Variants in RHOD observed in about 807,000 individuals in gnomAD.
The protein encoded by RHOD is rho-related GTP-binding protein RhoD.
In RHOD, 11 loss-of-function variants were observed where a neutral mutation model predicts 16.7. The observed-to-expected ratio is 0.66, with a 90% CI of 0.41 to 1.09. The LOEUF is 1.09. Ranked by LOEUF, RHOD falls within the 50% of genes least tolerant of loss-of-function variation. The pLI, the probability that RHOD is intolerant of heterozygous loss-of-function variation, is 0.00. For missense variants in RHOD, 271 were observed against 291.7 expected, an observed-to-expected ratio of 0.93 and a Z score of 0.52; for synonymous variants, 124 against 126.3, an observed-to-expected ratio of 0.98 and a Z score of 0.12.
Position 67,071,717 on chromosome 11 carries a change from G to C in RHOD, c.*115G>C. On this transcript the variant is annotated 3_prime_UTR_variant, in exon 5 of 5. Transcript: ENST00000308831. Reference sequence around the variant, plus strand: ...ACCGCCGAACTCCACTGCAACAGACGGGCGCCACCAAAGCCAGGCCCTGAG... The same window carrying C: ...ACCGCCGAACTCCACTGCAACAGACCGGCGCCACCAAAGCCAGGCCCTGAG... The C allele has an allele frequency of 8.8e-7, 1 of 1,136,678 alleles. No homozygotes were observed. The highest frequency in any genetic ancestry group is 1.6e-5 in the South Asian group (1 of 61,242). 70.4% of individuals were successfully genotyped at this position (1,136,678 alleles called of 1,614,324 possible).
intron 1 of RHOD, among the ~76,000 whole-genome samples, chr11:67,064,711 T>C (rs554621855): frequency 5.3e-5 from 8 of 152,138 alleles, no homozygotes; most frequent in African/African-American, 1.9e-4. Flanking sequence ...AATAAACATG[T>C]AGGTTAATGT....
At chr11:67,057,987 TTC>T (rs1854836033) in intron 1 of RHOD, among the ~76,000 whole-genome samples, 3 of 152,158 alleles carry the variant, frequency 2.0e-5, no homozygotes, top group African/African-American at 7.2e-5. Flanking sequence ...CCAGCATCTC[TTC>T]TTTTTTTTTA....
intron 2 of RHOD, among the ~76,000 whole-genome samples, 166 bp downstream of exon 2, chr11:67,066,149 A>G (rs541752238): frequency 2.0e-5 from 3 of 152,304 alleles, no homozygotes; most frequent in Admixed American, 6.5e-5. Context: ...TTGCCTCTGC[A>G]GCAGTGTCTC....
chr11:67,056,956 C>T lies in RHOD; in HGVS notation c.54C>T (p.Val18=). The T allele has an allele frequency of 1.3e-6, 2 of 1,498,284 alleles. No individual in the cohort carries two copies. Among genetic ancestry groups the T allele is most frequent in the Non-Finnish European group, 1.8e-6 (2 of 1,132,552 alleles). 92.8% of individuals were successfully genotyped at this position (1,498,284 alleles called of 1,614,324 possible). ...GEEAPPGVRS[V]KVVLVGDGGC... is the part of the protein sequence containing the mutation. ...AGGCGCCACCAGGCGTGCGGTCCGTCAAGGTGGTCCTGGTGGGCGACGGCG... is the reference window on the plus strand; with the variant it reads ...AGGCGCCACCAGGCGTGCGGTCCGTTAAGGTGGTCCTGGTGGGCGACGGCG... Residue 18 remains valine (V), a synonymous_variant, in exon 1 of 5, where the codon GTC becomes GTT. Coordinates refer to ENST00000308831, the MANE Select transcript of RHOD (RefSeq NM_014578.4).
rs560923516 is a variant in RHOD at position 67,071,613 on chromosome 11, G to C, written c.*11G>C. ...TGCGTGGTGACCTGAGCGGCTCGGG[G>C]CGTCCCAGCGACGCGGGAAGGGGCA... On this transcript the variant is annotated 3_prime_UTR_variant, in exon 5 of 5. Transcript: ENST00000308831. The C allele has an allele frequency of 3.2e-6, 5 of 1,581,880 alleles. No homozygotes were observed. In the African/African-American group the frequency reaches 5.4e-5, roughly 17 times the overall value.
chr11:67,057,158 G>A lies in RHOD; in HGVS notation c.132+124G>A. 5 of 1,199,678 alleles carry A rather than the reference G, an allele frequency of 4.2e-6. No homozygotes were observed. In the East Asian group the frequency reaches 1.3e-4, roughly 31 times the overall value. The allele number at this position is 1,199,678 out of a possible 1,614,324, so 74.3% of individuals were successfully genotyped here. ...CCGAGGGGTGTCCCAGCGGGGCCTG[G>A]GGTCCAGGGCAGAGTTCTTCCGCCC... On this transcript the variant is annotated intron_variant, in intron 1 of 4. Transcript: ENST00000308831.
intron 4 of RHOD, among the ~76,000 whole-genome samples, chr11:67,070,823 C>CCAGG (rs1348968631): frequency 6.6e-6 from 1 of 152,138 alleles, no homozygotes; most frequent in Non-Finnish European, 1.5e-5. Context: ...GAGAGGGGGC[C>CCAGG]CAGGCAGGCA....
chr11:67,071,834 C>T lies in RHOD; in HGVS notation c.*232C>T. On this transcript the variant is annotated 3_prime_UTR_variant, in exon 5 of 5. Transcript: ENST00000308831. ...CGGTGCCCGAGAATCACTCGCTAAC[C>T]CCTATGCCCGGTCCCGGACCGACAT... is the stretch of plus-strand genomic sequence containing the variant. 1 of 468,928 alleles carries T rather than the reference C, an allele frequency of 2.1e-6. No individual in the cohort carries two copies. The allele number at this position is 468,928 out of a possible 1,614,324, so 29.0% of individuals were successfully genotyped here. A position where few individuals can be genotyped will look rare whatever the true frequency, so the allele number is the denominator to read the frequency against.
In RHOD at chr11:67,056,885, T is replaced by A; in HGVS notation, c.-18T>A. ...GCGCCGCAGCCGCCCGCCCGCCCGC[T>A]CAGCGCCCGGCCCCGGGATGACGGC... On this transcript the variant is annotated 5_prime_UTR_variant, in exon 1 of 5. Transcript: ENST00000308831. 7.2e-7 allele frequency: 1 copy of A among 1,386,988 alleles called. No homozygotes were observed. Among genetic ancestry groups the A allele is most frequent in the Non-Finnish European group, 9.2e-7 (1 of 1,081,608 alleles). 85.9% of individuals were successfully genotyped at this position (1,386,988 alleles called of 1,614,324 possible).
rs1322471558 is a variant in RHOD, at chr11:67,058,425, C to T, written c.132+1391C>T. ...TCATTTGACCTGGTGATCCGCCCAC[C>T]TTGGCCTCCCAAAATGCTGGGATTA... On this transcript the variant is annotated intron_variant, in intron 1 of 4. Transcript: ENST00000308831. Among the ~76,000 whole-genome samples, 6 of 152,222 alleles carry T rather than the reference C, an allele frequency of 3.9e-5. 1 individual carries two copies. Among genetic ancestry groups the T allele is most frequent in the Non-Finnish European group, 7.3e-5 (5 of 68,038 alleles).
intron 3 of RHOD, 111 bp downstream of exon 3, chr11:67,066,958 G>A: frequency 1.3e-6 from 1 of 773,578 alleles, no homozygotes; most frequent in East Asian, 2.5e-5. Flanking sequence ...AAATGATATT[G>A]ATTCCAGAGC....
At chr11:67,063,039 G>T (rs1277476853) in intron 1 of RHOD, among the ~76,000 whole-genome samples, 2 of 152,202 alleles carry the variant, frequency 1.3e-5, no homozygotes, top group Admixed American at 1.3e-4. Flanking sequence ...GGAGTAAGGG[G>T]CCTCTGTCCT....
chr11:67,065,070 G>A (rs923480455), intron 1 of RHOD, among the ~76,000 whole-genome samples: 7 of 151,934 alleles, frequency 4.6e-5, no homozygotes, highest in East Asian at 1.9e-4. Flanking sequence ...GCGGCACTGC[G>A]GTAGGGACTT....
At chr11:67,066,094 G>C (rs1032329868) in intron 2 of RHOD, 111 bp downstream of exon 2, 67 of 881,774 alleles carry the variant, frequency 7.6e-5, no homozygotes, top group Non-Finnish European at 1.1e-4. Flanking sequence ...CAGTCTCCAA[G>C]GGACAGGTGT....
chr11:67,058,028 T>C (rs986176273), intron 1 of RHOD, among the ~76,000 whole-genome samples: 2 of 152,132 alleles, frequency 1.3e-5, no homozygotes, highest in African/African-American at 4.8e-5. Context: ...AGAGTCTCAC[T>C]CTGTCACCCA....
intron 1 of RHOD, among the ~76,000 whole-genome samples, chr11:67,059,746 T>C (rs555825282): frequency 2.3e-3 from 349 of 152,266 alleles, no homozygotes; most frequent in Non-Finnish European, 4.3e-3. Flanking sequence ...CAGGGCCTTC[T>C]CCACAGCCCC....
intron 1 of RHOD, among the ~76,000 whole-genome samples, chr11:67,059,844 G>T (rs1854864960): frequency 6.6e-6 from 1 of 152,236 alleles, no homozygotes; most frequent in South Asian, 2.1e-4. Context: ...AGCCCAAGGG[G>T]CCAGCAGCCA....
intron 3 of RHOD, among the ~76,000 whole-genome samples, chr11:67,067,783 A>G (rs1269064820): frequency 7.2e-6 from 1 of 139,558 alleles, no homozygotes; most frequent in Non-Finnish European, 1.6e-5. Flanking sequence ...TGTGGGTGGG[A>G]GGGAGGAGTT....
At chr11:67,066,952 G>C (rs1005636603) in intron 3 of RHOD, 105 bp downstream of exon 3, 7 of 793,684 alleles carry the variant, frequency 8.8e-6, no homozygotes, top group Non-Finnish European at 1.6e-5. Context: ...GGCCCAAAAT[G>C]ATATTGATTC....
Sources: allele counts gnomAD v4.1 joint callset (sites outside exome capture counted in the v4.1 genomes callset), GRCh38; gene constraint gnomAD v4.1.1; transcripts MANE v1.5; gene names NCBI Gene and HGNC (gene_info 2026-07-23, HGNC 2026-07-21).